GPC6: variants seen among roughly 807,000 people sequenced by gnomAD.
The protein encoded by GPC6 is glypican-6.
GPC6 carries 14 observed loss-of-function variants against 55.2 expected under a neutral mutation model. The ratio of observed to expected loss-of-function variants is 0.25; its 90% CI spans 0.17 to 0.40. The LOEUF is 0.40. Ranked by LOEUF, GPC6 falls within the 10% of genes least tolerant of loss-of-function variation. The pLI, the probability that GPC6 is intolerant of heterozygous loss-of-function variation, is 1.00. For synonymous variants in GPC6, 278 were observed against 259.6 expected (o/e 1.07, Z -0.68); for missense variants, 641 against 708.5 (o/e 0.90, Z 1.08).
At chr13:93,407,997 G>A (rs1159823211) in intron 1 of GPC6, among the ~76,000 whole-genome samples, 1 of 152,056 alleles carries the variant, frequency 6.6e-6, no homozygotes, top group African/African-American at 2.4e-5. Flanking sequence ...TTTCTTACAG[G>A]ATTATGTGCA....
At chr13:93,608,037 ATT>A (rs56833494) in intron 2 of GPC6, among the ~76,000 whole-genome samples, 1 of 151,836 alleles carries the variant, frequency 6.6e-6, no homozygotes, top group African/African-American at 2.4e-5. Context: ...CACTTGGAGT[ATT>A]TTTTTTTCTA....
At chr13:94,029,608 T>C (rs1035946946) in intron 4 of GPC6, among the ~76,000 whole-genome samples, 6 of 152,216 alleles carry the variant, frequency 3.9e-5, no homozygotes, top group Non-Finnish European at 1.5e-5. Context: ...TAGTCATCCA[T>C]ATTTTTAGTT....
chr13:93,742,785 T>C (rs906752552), intron 2 of GPC6, among the ~76,000 whole-genome samples: 1 of 152,166 alleles, frequency 6.6e-6, no homozygotes, highest in Non-Finnish European at 1.5e-5. Flanking sequence ...AGAATCAATA[T>C]TCAAGTGCTT....
Position 94,382,475 on chromosome 13 carries a change from C to G in GPC6, c.1214C>G (p.Thr405Ser). Residue 405 changes from threonine (T) to serine (S), a missense_variant, in exon 7 of 9, where the codon ACT (threonine) becomes AGT (serine). Physicochemically the swap from Thr to Ser is moderately conservative, Grantham distance 58. Coordinates refer to ENST00000377047, the MANE Select transcript of GPC6 (RefSeq NM_005708.5). Reference protein sequence around the residue: ...SKKVWSALPYTICKDESVTAG... With the variant: ...SKKVWSALPYSICKDESVTAG... ...AAGGTCTGGTCAGCATTACCCTACA[C>G]TATCTGCAAGGACGAGAGCGTGACA... 1 of 1,614,132 alleles carries G rather than the reference C, an allele frequency of 6.2e-7. No homozygotes were observed. Among genetic ancestry groups the G allele is most frequent in the East Asian group, 2.2e-5 (1 of 44,878 alleles).
intron 3 of GPC6, among the ~76,000 whole-genome samples, chr13:93,990,389 T>C (rs1474885328): frequency 3.9e-5 from 6 of 152,098 alleles, no homozygotes; most frequent in African/African-American, 1.4e-4. Context: ...CCTGCATGTG[T>C]GTGAATTAGG....
chr13:93,812,843 A>G (rs1375457058), intron 2 of GPC6, among the ~76,000 whole-genome samples: 4 of 152,156 alleles, frequency 2.6e-5, no homozygotes, highest in Non-Finnish European at 5.9e-5. Flanking sequence ...TCAGGAAGGG[A>G]CTATTATTAT....
At chr13:93,917,923 C>A (rs1877372798) in intron 3 of GPC6, among the ~76,000 whole-genome samples, 1 of 152,034 alleles carries the variant, frequency 6.6e-6, no homozygotes, top group African/African-American at 2.4e-5. Flanking sequence ...ACGGTGAAAC[C>A]CTGTCTCTAC....
intron 1 of GPC6, among the ~76,000 whole-genome samples, chr13:93,505,331 G>A (rs1292679088): frequency 2.6e-5 from 4 of 152,116 alleles, no homozygotes; most frequent in African/African-American, 9.7e-5. Context: ...TAGGTCCCCT[G>A]TAAGTCTCTA....
chr13:93,655,932 C>T lies in GPC6; in HGVS notation c.319+110511C>T, dbSNP rs142618059. ...TTAACTTGATCATTTTATATGTATG[C>T]GTATATGAATTTATTCTTTTGATAA... is the stretch of plus-strand genomic sequence containing the variant. On this transcript the variant is annotated intron_variant, in intron 2 of 8. Coordinates refer to ENST00000377047, the MANE Select transcript of GPC6 (RefSeq NM_005708.5). Among the ~76,000 whole-genome samples, 669 of 152,026 alleles carry T rather than the reference C, an allele frequency of 4.4e-3. 1 individual carries two copies. The highest frequency in any genetic ancestry group is 7.2e-3 in the Non-Finnish European group (490 of 67,968).
intron 4 of GPC6, among the ~76,000 whole-genome samples, chr13:94,165,151 G>A (rs1888313243): frequency 6.6e-6 from 1 of 151,218 alleles, no homozygotes; most frequent in Non-Finnish European, 1.5e-5. Flanking sequence ...CAGCCCAAAT[G>A]CCTATCAGTC....
chr13:94,065,661 TC>T (rs930676020), intron 4 of GPC6, among the ~76,000 whole-genome samples: 2 of 152,200 alleles, frequency 1.3e-5, no homozygotes, highest in African/African-American at 4.8e-5. Flanking sequence ...GGTTAGTGCT[TC>T]ACTTGACTCA....
At chr13:94,141,220 A>G (rs987595035) in intron 4 of GPC6, among the ~76,000 whole-genome samples, 1 of 152,146 alleles carries the variant, frequency 6.6e-6, no homozygotes. Flanking sequence ...AAAAGGTAGG[A>G]TATCTTGAAG....
At chr13:94,294,342 G>A (rs1336517475) in intron 5 of GPC6, among the ~76,000 whole-genome samples, 3 of 150,966 alleles carry the variant, frequency 2.0e-5, no homozygotes, top group Admixed American at 6.6e-5. Context: ...TCTTACTACC[G>A]ACGAGGGTAG....
At chr13:93,474,498 C>T (rs998720921) in intron 1 of GPC6, among the ~76,000 whole-genome samples, 5 of 152,102 alleles carry the variant, frequency 3.3e-5, no homozygotes, top group Non-Finnish European at 7.4e-5. Flanking sequence ...CACTGTTTAC[C>T]ATGACCTTCT....
At chr13:93,791,107 G>A (rs1054556280) in intron 2 of GPC6, among the ~76,000 whole-genome samples, 1 of 152,112 alleles carries the variant, frequency 6.6e-6, no homozygotes, top group Admixed American at 6.5e-5. Context: ...TGTTGGTTCT[G>A]TACATAGTGA....
intron 3 of GPC6, among the ~76,000 whole-genome samples, chr13:93,935,581 C>T (rs1878395536): frequency 6.6e-6 from 1 of 152,182 alleles, no homozygotes; most frequent in East Asian, 1.9e-4. Context: ...GAAATTTTGC[C>T]TATTCCTTTT....
intron 4 of GPC6, among the ~76,000 whole-genome samples, chr13:94,205,292 A>T (rs962599457): frequency 4.6e-5 from 7 of 152,208 alleles, no homozygotes; most frequent in South Asian, 2.1e-4. Flanking sequence ...GTCTCCAGGC[A>T]TGTGTCTTTG....
intron 6 of GPC6, among the ~76,000 whole-genome samples, chr13:94,345,634 G>T (rs1039342108): frequency 6.6e-6 from 1 of 152,214 alleles, no homozygotes; most frequent in African/African-American, 2.4e-5. Flanking sequence ...GGCTCAGGCA[G>T]ACCCAGCTCT....
At chr13:94,296,170 C>T (rs1361136989) in intron 5 of GPC6, among the ~76,000 whole-genome samples, 1 of 152,142 alleles carries the variant, frequency 6.6e-6, no homozygotes, top group Non-Finnish European at 1.5e-5. Context: ...TTATGTGATA[C>T]CCATCCAGCG....
Sources: allele counts gnomAD v4.1 joint callset (sites outside exome capture counted in the v4.1 genomes callset), GRCh38; gene constraint gnomAD v4.1.1; transcripts MANE v1.5; gene names NCBI Gene and HGNC (gene_info 2026-07-23, HGNC 2026-07-21).